The following ODR4 variants were observed in gnomAD, a reference collection of about 807,000 sequenced individuals.
The protein encoded by ODR4 is odr-4 GPCR localization factor homolog.
In ODR4, 47 loss-of-function variants were observed where a neutral mutation model predicts 60.2. That is an observed-to-expected ratio of 0.78 (90% CI 0.62 to 1.00). The LOEUF is 1.00. Among genes scored for constraint, ODR4 ranks in the 50% least tolerant of loss-of-function variants. The probability of loss-of-function intolerance (pLI) is 0.00; values close to 1 mark genes in which losing one functional copy is unlikely to be tolerated. For synonymous variants in ODR4, 178 were observed against 175.5 expected (o/e 1.01, Z -0.11); for missense variants, 488 against 530.8 (o/e 0.92, Z 0.79).
intron 12 of ODR4, 132 bp downstream of exon 12, chr1:186,406,400 C>A: frequency 1.8e-6 from 1 of 558,368 alleles, no homozygotes; most frequent in Non-Finnish European, 3.0e-6. Context: ...GAAATATTAA[C>A]TGAGACATTT....
intron 9 of ODR4, among the ~76,000 whole-genome samples, chr1:186,397,974 A>G (rs527261604): frequency 7.2e-5 from 11 of 152,188 alleles, no homozygotes; most frequent in African/African-American, 2.4e-4. Flanking sequence ...TCTTCTTTGT[A>G]TATCTTTTAA....
At chr1:186,380,356 C>T (rs1343655924) in intron 2 of ODR4, among the ~76,000 whole-genome samples, 1 of 152,030 alleles carries the variant, frequency 6.6e-6, no homozygotes, top group Non-Finnish European at 1.5e-5. Flanking sequence ...ACCCATCTTA[C>T]TGAATTTTTT....
At chr1:186,383,568 GTTTGT>G (rs1373038421) in intron 3 of ODR4, among the ~76,000 whole-genome samples, 1 of 151,584 alleles carries the variant, frequency 6.6e-6, no homozygotes, top group African/African-American at 2.4e-5. Flanking sequence ...GTTTTTGTTT[GTTTGT>G]TTTAAGAAAA....
intron 9 of ODR4, among the ~76,000 whole-genome samples, chr1:186,398,066 G>A (rs1229841077): frequency 6.6e-6 from 1 of 152,016 alleles, no homozygotes; most frequent in Non-Finnish European, 1.5e-5. Context: ...ATTTTAGATG[G>A]TTATGTTAGA....
At chr1:186,400,943 T>G in intron 11 of ODR4, 1 of 1,193,280 alleles carries the variant, frequency 8.4e-7, no homozygotes, top group Non-Finnish European at 1.2e-6. Flanking sequence ...TTTTGCAATT[T>G]GACTTTGAGT....
chr1:186,404,527 G>T (rs1006366345), intron 11 of ODR4, among the ~76,000 whole-genome samples: 3 of 152,112 alleles, frequency 2.0e-5, no homozygotes, highest in African/African-American at 7.2e-5. Flanking sequence ...TACTTAATCT[G>T]TTTCAAGTAA....
At chr1:186,391,885 T>TTTCA (rs545417342) in intron 8 of ODR4, 94 bp downstream of exon 8, 2 of 732,462 alleles carry the variant, frequency 2.7e-6, no homozygotes, top group Non-Finnish European at 4.6e-6. Context: ...AGAAAACTGA[T>TTTCA]TTCATCTACC....
chr1:186,389,024 A>G (rs567712070), intron 5 of ODR4, among the ~76,000 whole-genome samples: 5 of 152,334 alleles, frequency 3.3e-5, no homozygotes, highest in African/African-American at 1.2e-4. Flanking sequence ...AGCCAGTTAC[A>G]CGGCCTCTTA....
intron 12 of ODR4, among the ~76,000 whole-genome samples, chr1:186,409,352 T>C (rs529448568): frequency 6.6e-6 from 1 of 152,364 alleles, no homozygotes; most frequent in East Asian, 1.9e-4. Context: ...AAACATCTGT[T>C]GAAAGAGCAA....
At position 186,394,091 on chromosome 1, in the gene ODR4, CATT is replaced by C. The variant is rs1660577490; in HGVS notation, c.780+78_780+80del. On this transcript the variant is annotated intron_variant, in intron 9 of 13. Coordinates refer to ENST00000287859, the MANE Select transcript of ODR4 (RefSeq NM_017847.6). ...AAACTGTTTCTGTTTTTATTTTTCT[CATT>C]AGAGAATAAAAGGATTTTAGAGCTG... The C allele has an allele frequency of 3.4e-6, 3 of 891,672 alleles. No individual in the cohort carries two copies. The African/African-American group carries it at 5.1e-5, about 15-fold the overall frequency. 55.2% of individuals were successfully genotyped at this position (891,672 alleles called of 1,614,324 possible).
chr1:186,433,589 T>C, the ODR4 span, among the ~76,000 whole-genome samples: 2 of 152,100 alleles, frequency 1.3e-5, no homozygotes, highest in African/African-American at 4.8e-5. Flanking sequence ...TATTTTATTA[T>C]TATTATTTTG....
At chr1:186,395,247 A>G (rs1460064113) in intron 9 of ODR4, among the ~76,000 whole-genome samples, 2 of 147,166 alleles carry the variant, frequency 1.4e-5, no homozygotes, top group East Asian at 4.0e-4. Context: ...GGCGCCTGCC[A>G]CCACACCTGG....
At chr1:186,411,322 A>G (rs1310404408) in intron 12 of ODR4, among the ~76,000 whole-genome samples, 3 of 152,162 alleles carry the variant, frequency 2.0e-5, no homozygotes, top group Admixed American at 6.5e-5. Context: ...GTTTCACTTC[A>G]ACTGAAAGGT....
chr1:186,389,692 T>C (rs1660387793), intron 6 of ODR4, 68 bp downstream of exon 6: 1 of 1,173,718 alleles, frequency 8.5e-7, no homozygotes, highest in Non-Finnish European at 1.2e-6. Context: ...TCAGCTTTTA[T>C]TTAGTTTTAA....
downstream of ODR4, among the ~76,000 whole-genome samples, chr1:186,422,701 A>G (rs1376527049): frequency 6.6e-6 from 1 of 152,140 alleles, no homozygotes; most frequent in East Asian, 1.9e-4. Flanking sequence ...AGTAATATAT[A>G]TTTTTAAATT....
At chr1:186,387,420 G>A (rs866628631) in intron 4 of ODR4, among the ~76,000 whole-genome samples, 22 of 152,278 alleles carry the variant, frequency 1.4e-4, no homozygotes, top group African/African-American at 4.8e-4. Flanking sequence ...AATTGAGGGG[G>A]TTGAATGTGG....
intron 13 of ODR4, 76 bp downstream of exon 13, chr1:186,417,730 T>A: frequency 2.5e-6 from 2 of 800,642 alleles, no homozygotes; most frequent in South Asian, 3.1e-5. Flanking sequence ...AAGATCTTTG[T>A]ATTTCATTTC....
chr1:186,388,162 T>G (rs1285178), intron 4 of ODR4, among the ~76,000 whole-genome samples: 149,550 of 152,274 alleles, frequency 0.98, 73,461 homozygotes, highest in African/African-American at 1. Context: ...AATTCAAAAA[T>G]GTTAGTAATT....
chr1:186,390,987 T>C (rs1169409941), intron 7 of ODR4, 136 bp downstream of exon 7: 1 of 921,708 alleles, frequency 1.1e-6, no homozygotes, highest in East Asian at 2.7e-5. Flanking sequence ...AGTAACTTAT[T>C]ACCGCAGCCA....
Sources: gnomAD v4.1 joint callset for allele counts (sites outside exome capture counted in the v4.1 genomes callset) on GRCh38, gnomAD v4.1.1 for gene constraint, MANE v1.5 for transcripts, NCBI Gene and HGNC (gene_info 2026-07-23, HGNC 2026-07-21) for gene names.